The following EPM2A variants were observed in gnomAD, a reference collection of about 807,000 sequenced individuals.
EPM2A encodes the protein EPM2A glucan phosphatase, laforin.
EPM2A carries 21 observed loss-of-function variants against 26.5 expected under a neutral mutation model. The observed-to-expected ratio is 0.79, with a 90% CI of 0.56 to 1.14. EPM2A has a LOEUF of 1.14. EPM2A is among the 50% of genes most tolerant of loss of function. The pLI is 0.00. For synonymous variants in EPM2A, 217 were observed against 177.6 expected, an observed-to-expected ratio of 1.22 and a Z score of -1.76; for missense variants, 458 against 440.8, an observed-to-expected ratio of 1.04 and a Z score of -0.35.
At chr6:145,434,266 CT>C (rs1202125248) in intron 4 of EPM2A, among the ~76,000 whole-genome samples, 320 of 141,030 alleles carry the variant, frequency 2.3e-3, no homozygotes, top group Middle Eastern at 7.4e-3. Context: ...CTCTCTCTCT[CT>C]TTTTTTTTTT....
chr6:145,703,951 A>T (rs1013979338), intron 1 of EPM2A, among the ~76,000 whole-genome samples: 11 of 152,250 alleles, frequency 7.2e-5, no homozygotes, highest in African/African-American at 2.7e-4. Context: ...CACTGGTATT[A>T]TCAGTTAAAA....
rs1006401773 is a variant in EPM2A, at chr6:145,626,943, C to T, written c.*473G>A. 4.2e-5 allele frequency: 42 copies of T among 1,010,810 alleles called. No individual in the cohort carries two copies. In the South Asian group the frequency reaches 7.4e-4, roughly 18 times the overall value. The allele number at this position is 1,010,810 out of a possible 1,614,324, so 62.6% of individuals were successfully genotyped here. ...ACCATAGTGAGCTCTTCTTTTGTAA[C>T]GGTTCAGGCTTCTAACCTTATTTCC... On this transcript the variant is annotated 3_prime_UTR_variant, in exon 4 of 4. Transcript: ENST00000367519.
intron 1 of EPM2A, among the ~76,000 whole-genome samples, chr6:145,731,444 T>C (rs545591999): frequency 1.3e-5 from 2 of 152,300 alleles, no homozygotes; most frequent in East Asian, 3.9e-4. Context: ...ACAGAGCACA[T>C]GTATGTTTAT....
intron 1 of EPM2A, chr6:145,722,794 GA>G (rs1562523245): frequency 2.2e-6 from 1 of 446,186 alleles, no homozygotes; most frequent in Admixed American, 2.4e-5. Flanking sequence ...GCCTTTATAA[GA>G]AGAAATTTGG....
chr6:145,499,463 A>G (rs1582801630), downstream of EPM2A, among the ~76,000 whole-genome samples: 1 of 152,302 alleles, frequency 6.6e-6, no homozygotes, highest in East Asian at 1.9e-4. Flanking sequence ...TAAGTTTATC[A>G]TGGCTTATAA....
At chr6:145,588,519 T>G (rs955317884) in intron 2 of EPM2A, among the ~76,000 whole-genome samples, 5 of 152,200 alleles carry the variant, frequency 3.3e-5, no homozygotes, top group Admixed American at 6.5e-5. Context: ...GGGAAAAGTG[T>G]TAAGAAAAAT....
chr6:145,735,564 A>C, upstream of EPM2A: 3 of 1,115,976 alleles, frequency 2.7e-6, no homozygotes, highest in Non-Finnish European at 3.3e-6. Flanking sequence ...CGGCCCGAGC[A>C]CTAGGCGGCC....
chr6:145,506,206 T>G (rs1274065603), intron 2 of EPM2A, among the ~76,000 whole-genome samples: 4 of 152,250 alleles, frequency 2.6e-5, no homozygotes, highest in African/African-American at 9.6e-5. Flanking sequence ...TGGTGTATAA[T>G]GTTTATTTTT....
chr6:145,491,933 C>A, intron 4 of EPM2A: 1 of 472,518 alleles, frequency 2.1e-6, no homozygotes, highest in Non-Finnish European at 4.2e-6. Context: ...TTACTGCAAG[C>A]AGCCAAAAGA....
At chr6:145,554,854 A>G (rs1324734855) in intron 2 of EPM2A, among the ~76,000 whole-genome samples, 1 of 152,126 alleles carries the variant, frequency 6.6e-6, no homozygotes, top group Non-Finnish European at 1.5e-5. Context: ...TCAGTCTGAA[A>G]TTTAAATTCT....
rs533979234 is a variant in EPM2A, at chr6:145,441,929, C to T, written c.556-57832G>A. ...CTTTAACATCACCTAAGTCACCCCT[C>T]GAATGCTTTGCTGCTTATAAATTTC... On this transcript the variant is annotated intron_variant, in intron 4 of 4. Coordinates refer to the EPM2A transcript ENST00000638717. Among the ~76,000 whole-genome samples, 21 of 152,196 alleles carry T rather than the reference C, an allele frequency of 1.4e-4. No individual in the cohort carries two copies. The South Asian group carries it at 2.5e-3, about 18-fold the overall frequency.
intron 3 of EPM2A, among the ~76,000 whole-genome samples, chr6:145,633,201 G>T (rs1776398001): frequency 6.6e-6 from 1 of 152,152 alleles, no homozygotes; most frequent in Admixed American, 6.5e-5. Context: ...ACAGTTGGCA[G>T]CCTAACTTCT....
chr6:145,712,161 T>C (rs1775367349), intron 1 of EPM2A, among the ~76,000 whole-genome samples: 1 of 152,132 alleles, frequency 6.6e-6, no homozygotes, highest in South Asian at 2.1e-4. Context: ...TTATGATAGA[T>C]AATTCATTTT....
At chr6:145,554,287 A>T (rs437147) in intron 2 of EPM2A, among the ~76,000 whole-genome samples, 53,370 of 151,500 alleles carry the variant, frequency 0.35, 9,992 homozygotes, top group South Asian at 0.51. Flanking sequence ...ACCCAGAAAA[A>T]CCCGAGTTTT....
intron 4 of EPM2A, chr6:145,489,713 C>A (rs399516): frequency 0.43 from 616,373 of 1,428,810 alleles, 134,828 homozygotes; most frequent in South Asian, 0.55. Context: ...CTCTCTAATC[C>A]TCAGCATCTT....
chr6:145,535,731 G>GTCTA (rs1295048319), intron 2 of EPM2A, among the ~76,000 whole-genome samples: 1 of 152,246 alleles, frequency 6.6e-6, no homozygotes, highest in African/African-American at 2.4e-5. Flanking sequence ...ATTGTGTCAT[G>GTCTA]TCTATAGTAA....
At chr6:145,546,045 T>C (rs945060491) in intron 2 of EPM2A, among the ~76,000 whole-genome samples, 1 of 152,156 alleles carries the variant, frequency 6.6e-6, no homozygotes, top group African/African-American at 2.4e-5. Flanking sequence ...TATGTAGATG[T>C]ATATGAGAGG....
chr6:145,397,950 A>T (rs1389478138), intron 4 of EPM2A, among the ~76,000 whole-genome samples: 1 of 152,144 alleles, frequency 6.6e-6, no homozygotes, highest in Non-Finnish European at 1.5e-5. Context: ...ATGAATTTTT[A>T]TACTCTCCTT....
At chr6:145,393,728 C>T (rs1778367781) in intron 4 of EPM2A, among the ~76,000 whole-genome samples, 1 of 152,110 alleles carries the variant, frequency 6.6e-6, no homozygotes, top group African/African-American at 2.4e-5. Flanking sequence ...AGTGACTGTT[C>T]CTTAGAATCT....
Sources: gnomAD v4.1 joint callset for allele counts (sites outside exome capture counted in the v4.1 genomes callset) on GRCh38, gnomAD v4.1.1 for gene constraint, MANE v1.5 for transcripts, NCBI Gene and HGNC (gene_info 2026-07-23, HGNC 2026-07-21) for gene names.